MINDY2: variants seen among roughly 807,000 people sequenced by gnomAD.
MINDY2 encodes ubiquitin carboxyl-terminal hydrolase MINDY-2.
In MINDY2, 52 loss-of-function variants were observed where a neutral mutation model predicts 68.2. The observed-to-expected ratio is 0.76, with a 90% CI of 0.61 to 0.96. MINDY2 has a LOEUF of 0.96. Among genes scored for constraint, MINDY2 ranks in the 40% least tolerant of loss-of-function variants. The pLI is 0.00. For missense variants in MINDY2, 881 were observed against 773.4 expected (o/e 1.14, Z -1.65); for synonymous variants, 372 against 303.0 (o/e 1.23, Z -2.36).
chr15:58,781,080 A>G (rs625312), intron 1 of MINDY2, among the ~76,000 whole-genome samples: 39,939 of 151,712 alleles, frequency 0.26, 5,795 homozygotes, highest in East Asian at 0.62. Flanking sequence ...ACAGTGTTTC[A>G]TTCTTGTTGC....
chr15:58,800,834 C>A (rs1902595950), intron 2 of MINDY2, among the ~76,000 whole-genome samples: 1 of 109,206 alleles, frequency 9.2e-6, no homozygotes. Flanking sequence ...GACTCTGTCT[C>A]AAAAAAAAAA....
At chr15:58,828,075 A>G (rs1416094544) in intron 5 of MINDY2, among the ~76,000 whole-genome samples, 3 of 151,934 alleles carry the variant, frequency 2.0e-5, no homozygotes, top group Admixed American at 6.6e-5. Flanking sequence ...TGTACTAAAA[A>G]TACAAAAAAT....
At chr15:58,777,619 A>G (rs1900856315) in intron 1 of MINDY2, among the ~76,000 whole-genome samples, 1 of 152,150 alleles carries the variant, frequency 6.6e-6, no homozygotes, top group Non-Finnish European at 1.5e-5. Context: ...ATAAAAGAAA[A>G]AAAAACTTTT....
At chr15:58,812,412 G>A (rs1466664310) in intron 4 of MINDY2, among the ~76,000 whole-genome samples, 1 of 150,884 alleles carries the variant, frequency 6.6e-6, no homozygotes, top group Non-Finnish European at 1.5e-5. Context: ...ATTCTAGCCT[G>A]GCCAACAGAG....
intron 5 of MINDY2, among the ~76,000 whole-genome samples, chr15:58,826,905 CCTCA>C (rs2141010628): frequency 6.6e-6 from 1 of 152,010 alleles, no homozygotes; most frequent in Non-Finnish European, 1.5e-5. Flanking sequence ...TCCCTTGCTT[CCTCA>C]CTCCTTTCCT....
intron 8 of MINDY2, 152 bp downstream of exon 8, chr15:58,852,117 T>G (rs1288387501): frequency 2.2e-5 from 11 of 509,142 alleles, no homozygotes; most frequent in Admixed American, 7.5e-5. Flanking sequence ...CAAAACCCTA[T>G]CTCTATTAAA....
intron 3 of MINDY2, among the ~76,000 whole-genome samples, chr15:58,803,301 C>T (rs1018835210): frequency 2.1e-5 from 3 of 144,802 alleles, no homozygotes; most frequent in African/African-American, 7.6e-5. Flanking sequence ...CCCATTTCTA[C>T]TAAAAATACA....
intron 1 of MINDY2, among the ~76,000 whole-genome samples, chr15:58,773,425 G>A (rs11639208): frequency 0.034 from 5,126 of 152,312 alleles, 88 homozygotes; most frequent in African/African-American, 0.049. Context: ...TAGAAACCTT[G>A]CCATTGTCTG....
chr15:58,833,952 G>A, intron 6 of MINDY2, among the ~76,000 whole-genome samples: 1 of 152,164 alleles, frequency 6.6e-6, no homozygotes, highest in Non-Finnish European at 1.5e-5. Context: ...CACATGGGGA[G>A]AAACTTTGGA....
chr15:58,793,954 G>T (rs1160868918), intron 2 of MINDY2, among the ~76,000 whole-genome samples: 1 of 152,170 alleles, frequency 6.6e-6, no homozygotes, highest in African/African-American at 2.4e-5. Context: ...CCAGCATGGT[G>T]TTATGTTTTC....
chr15:58,787,736 C>CAAAA, intron 1 of MINDY2, among the ~76,000 whole-genome samples, 170 bp from the exon 2 acceptor site: 1 of 92,826 alleles, frequency 1.1e-5, no homozygotes, highest in Non-Finnish European at 2.3e-5. Context: ...GAGTCCGTCT[C>CAAAA]AAAAAAAAAA....
At chr15:58,799,781 G>A (rs1902518962) in intron 2 of MINDY2, among the ~76,000 whole-genome samples, 1 of 152,138 alleles carries the variant, frequency 6.6e-6, no homozygotes, top group Non-Finnish European at 1.5e-5. Flanking sequence ...TTTTTGAAGG[G>A]CTTTGGCATA....
Position 58,771,379 on chromosome 15 carries a change from G to C in MINDY2, c.-17G>C. The C allele has an allele frequency of 6.3e-7, 1 of 1,596,082 alleles. No individual in the cohort carries two copies. The highest frequency in any genetic ancestry group is 8.5e-7 in the Non-Finnish European group (1 of 1,173,114). On this transcript the variant is annotated 5_prime_UTR_variant, in exon 1 of 9. Coordinates refer to ENST00000559228, the MANE Select transcript of MINDY2 (RefSeq NM_001040450.3). ...AGTGGCCGCGGTCTCCATAGAGCTG[G>C]GGGCGGGCGGCCCGGTATGGAGAGC...
At chr15:58,853,786 A>G (rs939303315) in intron 8 of MINDY2, among the ~76,000 whole-genome samples, 1 of 142,928 alleles carries the variant, frequency 7.0e-6, no homozygotes, top group African/African-American at 2.6e-5. Flanking sequence ...GTGCCACTGC[A>G]CTCCAGCCTA....
At chr15:58,851,446 A>T (rs954326014) in intron 7 of MINDY2, among the ~76,000 whole-genome samples, 30 of 150,596 alleles carry the variant, frequency 2.0e-4, no homozygotes, top group Non-Finnish European at 4.3e-4. Flanking sequence ...TTTTTATTTT[A>T]TTCATATTTA....
chr15:58,850,891 G>A (rs1053525298), intron 7 of MINDY2, among the ~76,000 whole-genome samples: 5 of 151,732 alleles, frequency 3.3e-5, no homozygotes, highest in Admixed American at 1.3e-4. Flanking sequence ...CTGGCTCCCC[G>A]CTACTTTTTG....
intron 6 of MINDY2, among the ~76,000 whole-genome samples, chr15:58,843,832 C>CAAAAAAAAAAAAAAAAAAAAAA: frequency 1.2e-5 from 1 of 84,838 alleles, no homozygotes; most frequent in Non-Finnish European, 2.1e-5. Flanking sequence ...GACTCTGTCT[C>CAAAAAAAAAAAAAAAAAAAAAA]AAAAAAAAAA....
chr15:58,827,034 T>G (rs1290156866), intron 5 of MINDY2, among the ~76,000 whole-genome samples: 1 of 152,218 alleles, frequency 6.6e-6, no homozygotes, highest in African/African-American at 2.4e-5. Flanking sequence ...CATCTGATTA[T>G]TTCCTCATTA....
chr15:58,852,370 A>G (rs766173340), intron 8 of MINDY2, among the ~76,000 whole-genome samples: 1 of 151,218 alleles, frequency 6.6e-6, no homozygotes, highest in African/African-American at 2.4e-5. Context: ...TTAACTCTTC[A>G]ATTTTGTTAG....
Sources: allele counts gnomAD v4.1 joint callset (sites outside exome capture counted in the v4.1 genomes callset), GRCh38; gene constraint gnomAD v4.1.1; transcripts MANE v1.5; gene names NCBI Gene and HGNC (gene_info 2026-07-23, HGNC 2026-07-21).